Variants in MEMO1 observed in about 807,000 individuals in gnomAD.
The protein encoded by MEMO1 is mediator of cell motility 1, also known as protein MEMO1.
In MEMO1, 6 loss-of-function variants were observed where a neutral mutation model predicts 45.2. That is an observed-to-expected ratio of 0.13 (90% confidence interval 0.07 to 0.26). MEMO1 has a LOEUF of 0.26. MEMO1 is among the 10% of genes least tolerant of loss of function. The probability of loss-of-function intolerance (pLI) is 1.00; values close to 1 mark genes in which losing one functional copy is unlikely to be tolerated. For synonymous variants in MEMO1, 78 were observed against 124.3 expected (o/e 0.63, Z 2.48); for missense variants, 184 against 370.5 (o/e 0.50, Z 4.13).
At chr2:31,920,256 C>T (rs1468008813) in intron 5 of MEMO1, among the ~76,000 whole-genome samples, 1 of 151,748 alleles carries the variant, frequency 6.6e-6, no homozygotes, top group Non-Finnish European at 1.5e-5. Context: ...AAACGTGACT[C>T]TGGACGCCTA....
intron 2 of MEMO1, among the ~76,000 whole-genome samples, chr2:31,971,406 C>G (rs1172243745): frequency 6.6e-6 from 1 of 152,026 alleles, no homozygotes; most frequent in South Asian, 2.1e-4. Context: ...CATCACCATG[C>G]CCAGATGATT....
intron 8 of MEMO1, among the ~76,000 whole-genome samples, chr2:31,879,656 A>G (rs928265825): frequency 1.3e-5 from 2 of 152,210 alleles, no homozygotes; most frequent in East Asian, 1.9e-4. Flanking sequence ...ACAATCTGGC[A>G]GTATCATTTT....
At chr2:31,947,523 T>A (rs997077181) in intron 2 of MEMO1, among the ~76,000 whole-genome samples, 1 of 152,158 alleles carries the variant, frequency 6.6e-6, no homozygotes, top group African/African-American at 2.4e-5. Context: ...TACCACTGGG[T>A]TTGAAGAAAT....
At chr2:31,958,808 C>T (rs572622245) in intron 2 of MEMO1, among the ~76,000 whole-genome samples, 20 of 152,210 alleles carry the variant, frequency 1.3e-4, no homozygotes, top group African/African-American at 4.8e-4. Flanking sequence ...TGCGACACTA[C>T]GCCTGGTTAA....
chr2:32,002,251 A>G (rs1411097731), intron 2 of MEMO1, among the ~76,000 whole-genome samples: 1 of 147,112 alleles, frequency 6.8e-6, no homozygotes, highest in Admixed American at 6.8e-5. Context: ...ATACATATAT[A>G]CGTGTATATA....
At chr2:31,937,353 G>T (rs1410682163) in intron 3 of MEMO1, among the ~76,000 whole-genome samples, 1 of 152,150 alleles carries the variant, frequency 6.6e-6, no homozygotes, top group Non-Finnish European at 1.5e-5. Context: ...CCAGAATGTT[G>T]CATATCTAGA....
intron 2 of MEMO1, among the ~76,000 whole-genome samples, chr2:32,003,046 CAAAGAGAAAT>C (rs1673606766): frequency 6.6e-6 from 1 of 151,934 alleles, no homozygotes; most frequent in Non-Finnish European, 1.5e-5. Flanking sequence ...ATAGTCTTTC[CAAAGAGAAAT>C]ATTTTTATTA....
At chr2:31,994,740 G>A (rs529445421) in intron 2 of MEMO1, among the ~76,000 whole-genome samples, 2 of 152,058 alleles carry the variant, frequency 1.3e-5, no homozygotes, top group African/African-American at 4.8e-5. Flanking sequence ...TTGAGCCCAG[G>A]AGTTGGAAAC....
chr2:31,922,589 C>A (rs1026913833), intron 4 of MEMO1, among the ~76,000 whole-genome samples: 1 of 151,762 alleles, frequency 6.6e-6, no homozygotes, highest in African/African-American at 2.4e-5. Flanking sequence ...AGGTAATAAA[C>A]CTAGTATTCC....
chr2:31,906,317 G>A (rs903835625), intron 6 of MEMO1, among the ~76,000 whole-genome samples: 3 of 146,428 alleles, frequency 2.0e-5, no homozygotes, highest in African/African-American at 7.6e-5. Context: ...TTGTTTGTTT[G>A]TTTGTTTTTG....
At chr2:31,896,878 A>G (rs2148016399) in intron 6 of MEMO1, among the ~76,000 whole-genome samples, 1 of 152,028 alleles carries the variant, frequency 6.6e-6, no homozygotes, top group Admixed American at 6.5e-5. Context: ...AGATATACAA[A>G]TGGATAATCA....
chr2:31,996,640 GA>G (rs1558565276), intron 2 of MEMO1, among the ~76,000 whole-genome samples: 1 of 152,136 alleles, frequency 6.6e-6, no homozygotes, highest in Non-Finnish European at 1.5e-5. Context: ...ATAGTGAAAA[GA>G]AAATCAATAG....
At chr2:32,006,911 G>C (rs960406542) in intron 2 of MEMO1, among the ~76,000 whole-genome samples, 63 of 137,356 alleles carry the variant, frequency 4.6e-4, no homozygotes, top group Admixed American at 4.5e-3. Flanking sequence ...GCTGCAGTGA[G>C]CCAAGATCGT....
chr2:32,009,864 G>A (rs1220175727), intron 2 of MEMO1, among the ~76,000 whole-genome samples: 1 of 152,070 alleles, frequency 6.6e-6, no homozygotes, highest in Non-Finnish European at 1.5e-5. Context: ...GTCGGCTGGG[G>A]TCCGGGAGCA....
At chr2:31,900,828 T>C (rs1164155197) in intron 6 of MEMO1, among the ~76,000 whole-genome samples, 3 of 152,102 alleles carry the variant, frequency 2.0e-5, no homozygotes, top group Non-Finnish European at 4.4e-5. Context: ...GTAAAGAAAC[T>C]GCAAGCCTCA....
chr2:31,972,537 C>T lies in MEMO1; in HGVS notation c.62-29154G>A, dbSNP rs182290374. 1.1e-3 allele frequency among the ~76,000 whole-genome samples: 162 copies of T among 152,156 alleles called. 1 individual carries two copies. The highest frequency in any genetic ancestry group is 3.9e-3 in the African/African-American group (160 of 41,520). ...ACCAGCCTGGCCAACATGGTGAAAC[C>T]CCTTCTCTACTAAAAATACCAAAAT... On this transcript the variant is annotated intron_variant, in intron 2 of 9. Coordinates refer to ENST00000404530, the MANE Select transcript of MEMO1 (RefSeq NM_001301833.4).
chr2:32,000,833 A>ACATG (rs143579179), intron 2 of MEMO1, among the ~76,000 whole-genome samples: 1 of 151,828 alleles, frequency 6.6e-6, no homozygotes, highest in East Asian at 1.9e-4. Context: ...GGTCCTGAGA[A>ACATG]CATGCACCCA....
In MEMO1 at chr2:31,901,785, T is replaced by A. The variant is rs181631781; in HGVS notation, c.438-9651A>T. Among the ~76,000 whole-genome samples the A allele has an allele frequency of 1.1e-3, 165 of 152,052 alleles. 1 individual carries two copies. Among genetic ancestry groups the A allele is most frequent in the African/African-American group, 3.9e-3 (163 of 41,466 alleles). On this transcript the variant is annotated intron_variant, in intron 6 of 9. Coordinates refer to ENST00000404530, the MANE Select transcript of MEMO1 (RefSeq NM_001301833.4). ...TTAGCTGGGCGTGGTGGCGTGCACCTGTAATCCCAGTTACTCAGGAGGCGG... is the reference window on the plus strand; with the variant it reads ...TTAGCTGGGCGTGGTGGCGTGCACCAGTAATCCCAGTTACTCAGGAGGCGG...
intron 2 of MEMO1, among the ~76,000 whole-genome samples, chr2:31,995,974 G>A (rs1244620663): frequency 6.6e-6 from 1 of 152,090 alleles, no homozygotes; most frequent in Non-Finnish European, 1.5e-5. Flanking sequence ...AATTTATAAA[G>A]TGCTACAACA....
Sources: gnomAD v4.1 joint callset for allele counts (sites outside exome capture counted in the v4.1 genomes callset) on GRCh38, gnomAD v4.1.1 for gene constraint, MANE v1.5 for transcripts, NCBI Gene and HGNC (gene_info 2026-07-23, HGNC 2026-07-21) for gene names.